The following RALGPS1 variants were observed in gnomAD, a reference collection of about 807,000 sequenced individuals.
The protein encoded by RALGPS1 is ras-specific guanine nucleotide-releasing factor RalGPS1.
Under a neutral mutation model 78.8 loss-of-function variants are expected in RALGPS1, and 19 were observed. The observed-to-expected ratio is 0.24, with a 90% CI of 0.17 to 0.35. RALGPS1 has a LOEUF of 0.35. Ranked by LOEUF, RALGPS1 falls within the 10% of genes least tolerant of loss-of-function variation. The pLI is 1.00. For missense variants in RALGPS1, 454 were observed against 688.3 expected, an observed-to-expected ratio of 0.66 and a Z score of 3.81; for synonymous variants, 228 against 256.3, an observed-to-expected ratio of 0.89 and a Z score of 1.06.
chr9:126,986,481 T>G (rs751735539), intron 4 of RALGPS1, among the ~76,000 whole-genome samples: 4 of 152,122 alleles, frequency 2.6e-5, no homozygotes, highest in Non-Finnish European at 5.9e-5. Context: ...TGTCTGAAGG[T>G]CCTGGTGGTA....
intron 7 of RALGPS1, among the ~76,000 whole-genome samples, chr9:127,055,208 A>G (rs1210924788): frequency 9.8e-5 from 9 of 91,974 alleles, no homozygotes; most frequent in African/African-American, 3.4e-4. Context: ...TTTTCTATCT[A>G]TCTATCTGTC....
intron 8 of RALGPS1, among the ~76,000 whole-genome samples, chr9:127,075,622 G>A (rs1017282552): frequency 6.6e-5 from 10 of 152,232 alleles, no homozygotes; most frequent in African/African-American, 2.4e-4. Flanking sequence ...CTCTGGCAAA[G>A]TCCTCACTAT....
rs191071323 is a variant in RALGPS1, at chr9:127,136,541, C to G, written c.611-29528C>G. On this transcript the variant is annotated intron_variant, in intron 8 of 18. Coordinates refer to ENST00000259351, the MANE Select transcript of RALGPS1 (RefSeq NM_014636.3). ...TGTGTGCCTTGGGAGAGCTCTTCAG[C>G]CTCTCTGAGCCTCCCTGTCCAGGTC... 7.9e-5 allele frequency among the ~76,000 whole-genome samples: 12 copies of G among 151,994 alleles called. No homozygotes were observed. In the East Asian group the frequency reaches 2.2e-3, roughly 27 times the overall value.
At chr9:126,998,123 A>G (rs1358369117) in intron 4 of RALGPS1, among the ~76,000 whole-genome samples, 3 of 152,252 alleles carry the variant, frequency 2.0e-5, no homozygotes, top group East Asian at 1.9e-4. Context: ...AGGACTTCAT[A>G]TCTAAAACAC....
chr9:127,017,440 T>C (rs2134053297), intron 4 of RALGPS1, among the ~76,000 whole-genome samples: 1 of 152,376 alleles, frequency 6.6e-6, no homozygotes, highest in African/African-American at 2.4e-5. Context: ...TTACCATGGA[T>C]GGAACTTCCA....
intron 5 of RALGPS1, among the ~76,000 whole-genome samples, chr9:127,044,700 A>G (rs964158425): frequency 6.6e-6 from 1 of 152,180 alleles, no homozygotes; most frequent in Non-Finnish European, 1.5e-5. Flanking sequence ...ATAGTACCCA[A>G]TAATAGGTAG....
Position 126,977,384 on chromosome 9 carries a change from G to C in RALGPS1, c.166-311G>C, listed in dbSNP as rs117601713. 4.2e-3 allele frequency among the ~76,000 whole-genome samples: 646 copies of C among 152,188 alleles called. 14 individuals are homozygous for C. The East Asian group carries it at 0.062, about 15-fold the overall frequency. ...CATGCTTGAAATACAAATTCAAATA[G>C]TATGAAAATTTTCAAATAAAACTGT... On this transcript the variant is annotated intron_variant, in intron 3 of 18. Coordinates refer to ENST00000259351, the MANE Select transcript of RALGPS1 (RefSeq NM_014636.3).
chr9:127,156,975 G>T (rs1158577170), intron 8 of RALGPS1, among the ~76,000 whole-genome samples: 2 of 151,932 alleles, frequency 1.3e-5, no homozygotes, highest in African/African-American at 4.8e-5. Context: ...TTTATTGAAG[G>T]ATTGTTCCTT....
rs1239103132 is a variant in RALGPS1, at chr9:127,178,282, C to T, written c.910+3500C>T. 16 of 348,150 alleles carry T rather than the reference C, an allele frequency of 4.6e-5. No individual in the cohort carries two copies. In the Admixed American group the frequency reaches 6.4e-4, roughly 14 times the overall value. The allele number at this position is 348,150 out of a possible 1,614,324, so 21.6% of individuals were successfully genotyped here. A position where few individuals can be genotyped will look rare whatever the true frequency, so the allele number is the denominator to read the frequency against. On this transcript the variant is annotated intron_variant, in intron 11 of 18. Coordinates refer to ENST00000259351, the MANE Select transcript of RALGPS1 (RefSeq NM_014636.3). ...CTGGGGGCAAGGGGTCCAGGAGATG[C>T]ATCTCAGGGGTCAGCCTCCCCCGAA... is the stretch of plus-strand genomic sequence containing the variant.
chr9:127,033,166 T>G (rs1367627547), intron 4 of RALGPS1, among the ~76,000 whole-genome samples: 1 of 152,184 alleles, frequency 6.6e-6, no homozygotes, highest in East Asian at 1.9e-4. Flanking sequence ...GTTGTTTGTG[T>G]TCTCTTGTGT....
At chr9:127,131,580 A>G (rs988536602) in intron 8 of RALGPS1, among the ~76,000 whole-genome samples, 1 of 152,252 alleles carries the variant, frequency 6.6e-6, no homozygotes, top group Non-Finnish European at 1.5e-5. Context: ...GAGGGAGTCT[A>G]CATCTACGCA....
rs547617096 is a variant in RALGPS1 at position 127,044,939 on chromosome 9, T to G, written c.301-5104T>G. Among the ~76,000 whole-genome samples the G allele has an allele frequency of 2.0e-5, 3 of 152,362 alleles. No individual in the cohort carries two copies. The South Asian group carries it at 6.2e-4, about 32-fold the overall frequency. On this transcript the variant is annotated intron_variant, in intron 5 of 18. Coordinates refer to ENST00000259351, the MANE Select transcript of RALGPS1 (RefSeq NM_014636.3). ...ATGTTCTTGCTAGCATAAATCAAGTTATCAACATGATTATACTTCTACATT... is the reference window on the plus strand; with the variant it reads ...ATGTTCTTGCTAGCATAAATCAAGTGATCAACATGATTATACTTCTACATT...
intron 8 of RALGPS1, among the ~76,000 whole-genome samples, chr9:127,118,121 C>G (rs1255200493): frequency 1.3e-5 from 2 of 152,200 alleles, no homozygotes; most frequent in Non-Finnish European, 2.9e-5. Flanking sequence ...GTGGCGCGAT[C>G]TCAGCTCACT....
At chr9:127,107,919 C>T (rs890649904) in intron 8 of RALGPS1, 21 of 1,529,328 alleles carry the variant, frequency 1.4e-5, no homozygotes, top group African/African-American at 4.1e-5. Context: ...ACTTACCCGA[C>T]GGCTTGTCGG....
At chr9:127,037,964 A>G (rs2046997358) in intron 5 of RALGPS1, among the ~76,000 whole-genome samples, 1 of 152,238 alleles carries the variant, frequency 6.6e-6, no homozygotes, top group Admixed American at 6.5e-5. Context: ...CTCAAGGAAA[A>G]TCAGGGTGTT....
intron 1 of RALGPS1, 102 bp from the exon 2 acceptor site, chr9:126,962,123 T>C: frequency 1.6e-6 from 1 of 630,730 alleles, no homozygotes; most frequent in Middle Eastern, 3.6e-4. Context: ...TCTTTAAAGG[T>C]CTCCTCTGAG....
intron 4 of RALGPS1, among the ~76,000 whole-genome samples, chr9:126,983,490 T>C (rs2041515293): frequency 6.6e-6 from 1 of 152,222 alleles, no homozygotes; most frequent in Non-Finnish European, 1.5e-5. Flanking sequence ...AGTTATTTTC[T>C]ACCATAATCA....
At chr9:127,102,783 G>T (rs1432492067) in intron 8 of RALGPS1, among the ~76,000 whole-genome samples, 2 of 152,230 alleles carry the variant, frequency 1.3e-5, no homozygotes, top group African/African-American at 4.8e-5. Context: ...TGTTTAGGAA[G>T]AAGCTAGCAA....
chr9:127,000,581 T>C (rs1195113072), intron 4 of RALGPS1, among the ~76,000 whole-genome samples: 2 of 139,010 alleles, frequency 1.4e-5, no homozygotes, highest in Non-Finnish European at 3.1e-5. Context: ...GGAGTTTCAC[T>C]CTTGTTGCCG....
Sources: gnomAD v4.1 joint callset for allele counts (sites outside exome capture counted in the v4.1 genomes callset) on GRCh38, gnomAD v4.1.1 for gene constraint, MANE v1.5 for transcripts, NCBI Gene and HGNC (gene_info 2026-07-23, HGNC 2026-07-21) for gene names.